Variants in MSRA observed in about 807,000 individuals in gnomAD.
The protein encoded by MSRA is mitochondrial peptide methionine sulfoxide reductase.
In MSRA, 54 loss-of-function variants were observed where a neutral mutation model predicts 31.3. That is an observed-to-expected ratio of 1.73 (90% CI 1.39 to 2.17). The LOEUF (loss-of-function observed/expected upper bound fraction) is 2.17. Ranked by LOEUF, MSRA falls within the 30% of genes most tolerant of loss-of-function variation. The pLI, the probability that MSRA is intolerant of heterozygous loss-of-function variation, is 0.00. For missense variants in MSRA, 507 were observed against 300.9 expected (o/e 1.69, Z -5.07); for synonymous variants, 169 against 116.5 (o/e 1.45, Z -2.90).
chr8:10,132,175 T>C (rs1033366782), intron 1 of MSRA, among the ~76,000 whole-genome samples: 2 of 152,236 alleles, frequency 1.3e-5, no homozygotes, highest in Non-Finnish European at 2.9e-5. Context: ...ATATTGGTCC[T>C]GATCGTTCTG....
intron 1 of MSRA, among the ~76,000 whole-genome samples, chr8:10,165,416 G>A (rs1184274194): frequency 6.6e-6 from 1 of 152,094 alleles, no homozygotes; most frequent in Admixed American, 6.5e-5. Context: ...GCTTAGGCCA[G>A]AACAGAACTT....
Position 10,054,363 on chromosome 8 carries a change from G to T in MSRA, c.-154G>T. ...GTTTGGGCAACCTCGATTACGGGCG[G>T]CCTCCAGCCCCGCCAGCAGCGCCCC... is the stretch of plus-strand genomic sequence containing the variant. On this transcript the variant is annotated 5_prime_UTR_variant, in exon 1 of 6. Coordinates refer to ENST00000317173, the MANE Select transcript of MSRA (RefSeq NM_012331.5). The T allele has an allele frequency of 1.5e-6, 1 of 682,730 alleles. No individual in the cohort carries two copies. Among genetic ancestry groups the T allele is most frequent in the Non-Finnish European group, 2.0e-6 (1 of 488,816 alleles). 42.3% of individuals were successfully genotyped at this position (682,730 alleles called of 1,614,324 possible). A position where few individuals can be genotyped will look rare whatever the true frequency, so the allele number is the denominator to read the frequency against.
At chr8:10,370,939 C>T (rs566747665) in intron 5 of MSRA, among the ~76,000 whole-genome samples, 3 of 152,256 alleles carry the variant, frequency 2.0e-5, no homozygotes, top group East Asian at 1.9e-4. Context: ...CACACACGCT[C>T]GTGGGCAGGT....
At chr8:10,337,537 A>G in intron 5 of MSRA, 2 of 592,472 alleles carry the variant, frequency 3.4e-6, no homozygotes, top group Non-Finnish European at 6.0e-6. Flanking sequence ...GGCTACAGAA[A>G]GCAGCATTAA....
chr8:10,417,445 C>CACACACACACAT, intron 5 of MSRA, among the ~76,000 whole-genome samples: 1 of 151,888 alleles, frequency 6.6e-6, no homozygotes, highest in Non-Finnish European at 1.5e-5. Flanking sequence ...CACACACACA[C>CACACACACACAT]ATACGCACAC....
chr8:10,409,266 C>G (rs1808011304), intron 5 of MSRA, among the ~76,000 whole-genome samples: 1 of 152,184 alleles, frequency 6.6e-6, no homozygotes, highest in Non-Finnish European at 1.5e-5. Flanking sequence ...GCCATTCTGA[C>G]TGGTGTAAGA....
At chr8:10,251,212 T>C (rs1455091232) in intron 3 of MSRA, among the ~76,000 whole-genome samples, 1 of 142,100 alleles carries the variant, frequency 7.0e-6, no homozygotes, top group Non-Finnish European at 1.5e-5. Context: ...AGTATACTTT[T>C]TTTTTTTTAA....
At chr8:10,355,725 G>A (rs929201374) in intron 5 of MSRA, among the ~76,000 whole-genome samples, 5 of 152,144 alleles carry the variant, frequency 3.3e-5, no homozygotes, top group African/African-American at 1.2e-4. Flanking sequence ...GCAGAGGATT[G>A]GTGGTGGTCC....
At position 10,148,903 on chromosome 8, in the gene MSRA, C is replaced by T. The variant is rs1179248263; in HGVS notation, c.143-58930C>T. ...AGAACTGGAGAAGGTAGGACAACTCCGATGAGTCCGAGTGAGGGGTGGAGG... is the reference window on the plus strand; with the variant it reads ...AGAACTGGAGAAGGTAGGACAACTCTGATGAGTCCGAGTGAGGGGTGGAGG... On this transcript the variant is annotated intron_variant, in intron 1 of 5. Coordinates refer to ENST00000317173, the MANE Select transcript of MSRA (RefSeq NM_012331.5). Among the ~76,000 whole-genome samples the T allele has an allele frequency of 4.0e-5, 6 of 150,292 alleles. No individual in the cohort carries two copies. The East Asian group carries it at 7.8e-4, about 20-fold the overall frequency.
At chr8:10,184,234 G>T (rs1191882632) in intron 1 of MSRA, among the ~76,000 whole-genome samples, 1 of 151,964 alleles carries the variant, frequency 6.6e-6, no homozygotes, top group Non-Finnish European at 1.5e-5. Context: ...GGAAGTGGTT[G>T]TGTTGATGAT....
chr8:10,299,845 A>G (rs1025908257), intron 3 of MSRA, among the ~76,000 whole-genome samples: 5 of 152,252 alleles, frequency 3.3e-5, no homozygotes, highest in Admixed American at 6.5e-5. Flanking sequence ...AAATTTAAAA[A>G]TGTTTAGAAA....
At chr8:10,066,889 TC>T (rs1317391853) in intron 1 of MSRA, among the ~76,000 whole-genome samples, 10 of 151,550 alleles carry the variant, frequency 6.6e-5, no homozygotes, top group African/African-American at 2.2e-4. Context: ...TTTTTTTTTT[TC>T]GAGCAGTTTT....
At chr8:10,232,712 A>G (rs1452891356) in intron 2 of MSRA, among the ~76,000 whole-genome samples, 1 of 152,248 alleles carries the variant, frequency 6.6e-6, no homozygotes, top group Non-Finnish European at 1.5e-5. Context: ...AAAATCTCAT[A>G]GACACAGATA....
chr8:10,163,878 C>T (rs1369377434), intron 1 of MSRA, among the ~76,000 whole-genome samples: 1 of 152,234 alleles, frequency 6.6e-6, no homozygotes, highest in Non-Finnish European at 1.5e-5. Flanking sequence ...CCCCAGTCGG[C>T]ATTGTCGGCT....
chr8:10,227,537 T>G (rs1013185533), intron 2 of MSRA, among the ~76,000 whole-genome samples: 5 of 152,204 alleles, frequency 3.3e-5, no homozygotes, highest in African/African-American at 1.2e-4. Context: ...TGACCCCTCT[T>G]GGTAAATACA....
At chr8:10,331,327 G>C (rs2129144173) in intron 5 of MSRA, among the ~76,000 whole-genome samples, 1 of 152,344 alleles carries the variant, frequency 6.6e-6, no homozygotes, top group South Asian at 2.1e-4. Context: ...GGCTCTGCCT[G>C]TAGTGACCGT....
intron 2 of MSRA, among the ~76,000 whole-genome samples, chr8:10,230,635 C>G (rs958679640): frequency 6.6e-6 from 1 of 152,146 alleles, no homozygotes; most frequent in African/African-American, 2.4e-5. Flanking sequence ...TGAAAAACTT[C>G]TTTTGACAGT....
chr8:10,305,352 G>C (rs979276670), intron 4 of MSRA, among the ~76,000 whole-genome samples: 1 of 151,072 alleles, frequency 6.6e-6, no homozygotes, highest in African/African-American at 2.4e-5. Context: ...TGCTGAAGCA[G>C]CTCTCATAGT....
chr8:10,161,224 C>G (rs1804615420), intron 1 of MSRA, among the ~76,000 whole-genome samples: 1 of 152,188 alleles, frequency 6.6e-6, no homozygotes, highest in African/African-American at 2.4e-5. Context: ...TTCCATTCCT[C>G]AGAGCATTGC....
Sources: gnomAD v4.1 joint callset for allele counts (sites outside exome capture counted in the v4.1 genomes callset) on GRCh38, gnomAD v4.1.1 for gene constraint, MANE v1.5 for transcripts, NCBI Gene and HGNC (gene_info 2026-07-23, HGNC 2026-07-21) for gene names.